Variants in SGCD observed in about 807,000 individuals in gnomAD.
SGCD encodes sarcoglycan delta.
SGCD carries 18 observed loss-of-function variants against 36.6 expected under a neutral mutation model. The ratio of observed to expected loss-of-function variants is 0.49; its 90% CI spans 0.34 to 0.73. The LOEUF is 0.73. Among genes scored for constraint, SGCD ranks in the 30% least tolerant of loss-of-function variants. The pLI is 0.01. For synonymous variants in SGCD, 133 were observed against 130.6 expected (o/e 1.02, Z -0.12); for missense variants, 387 against 346.7 (o/e 1.12, Z -0.92).
At chr5:156,415,010 A>G (rs1772951852) in intron 3 of SGCD, among the ~76,000 whole-genome samples, 1 of 152,170 alleles carries the variant, frequency 6.6e-6, no homozygotes, top group African/African-American at 2.4e-5. Flanking sequence ...TATTCTTTGG[A>G]GGCAGAAACC....
At chr5:156,411,238 C>G (rs1263071319) in intron 3 of SGCD, among the ~76,000 whole-genome samples, 3 of 152,138 alleles carry the variant, frequency 2.0e-5, no homozygotes, top group Non-Finnish European at 2.9e-5. Flanking sequence ...ATTTCTTGGC[C>G]TCTGCACAGA....
intron 1 of SGCD, among the ~76,000 whole-genome samples, chr5:155,985,118 C>T (rs752975085): frequency 1.3e-5 from 2 of 152,290 alleles, no homozygotes; most frequent in African/African-American, 2.4e-5. Context: ...AACAAATTAC[C>T]GTACATTTCA....
At chr5:156,366,979 A>G (rs1770141225) in intron 3 of SGCD, among the ~76,000 whole-genome samples, 1 of 152,230 alleles carries the variant, frequency 6.6e-6, no homozygotes. Flanking sequence ...TTTCTCATGT[A>G]TTTTAAGTGT....
At chr5:156,355,180 T>A (rs1769435353) in intron 3 of SGCD, among the ~76,000 whole-genome samples, 1 of 152,212 alleles carries the variant, frequency 6.6e-6, no homozygotes, top group Non-Finnish European at 1.5e-5. Flanking sequence ...CTTAGCTACA[T>A]CTTGGATGGC....
chr5:156,571,229 A>G (rs1759709802), intron 4 of SGCD, among the ~76,000 whole-genome samples: 1 of 152,056 alleles, frequency 6.6e-6, no homozygotes, highest in Non-Finnish European at 1.5e-5. Flanking sequence ...TATTTTTAGT[A>G]GAGATGGGGT....
At chr5:156,450,436 T>G (rs1476926493) in intron 3 of SGCD, among the ~76,000 whole-genome samples, 2 of 151,888 alleles carry the variant, frequency 1.3e-5, no homozygotes, top group Non-Finnish European at 2.9e-5. Context: ...AGAGAGTTCT[T>G]AAAGCTGCAT....
chr5:156,605,712 T>G (rs1761411108), intron 6 of SGCD, among the ~76,000 whole-genome samples: 1 of 152,198 alleles, frequency 6.6e-6, no homozygotes, highest in African/African-American at 2.4e-5. Context: ...CAGCACTTGT[T>G]GTTTCCTGAC....
intron 1 of SGCD, among the ~76,000 whole-genome samples, chr5:155,991,255 C>A (rs912355692): frequency 6.6e-5 from 10 of 152,302 alleles, no homozygotes; most frequent in African/African-American, 2.2e-4. Context: ...TGCACACACA[C>A]AAGAATAAAT....
chr5:156,458,424 C>A (rs1329502743), intron 3 of SGCD: 21 of 1,606,690 alleles, frequency 1.3e-5, no homozygotes, highest in Non-Finnish European at 1.7e-5. Flanking sequence ...GTAGTAGACA[C>A]CAATCTGAGG....
chr5:156,503,843 C>T (rs1335289163), intron 3 of SGCD, among the ~76,000 whole-genome samples: 1 of 151,914 alleles, frequency 6.6e-6, no homozygotes, highest in African/African-American at 2.4e-5. Flanking sequence ...CCAAGGAAAA[C>T]TTTATTTTTT....
At chr5:156,056,665 AC>A (rs1179677057) in intron 1 of SGCD, among the ~76,000 whole-genome samples, 1 of 142,470 alleles carries the variant, frequency 7.0e-6, no homozygotes, top group Non-Finnish European at 1.6e-5. Context: ...AAAAAAAAAA[AC>A]AGTCTCCAAA....
intron 4 of SGCD, among the ~76,000 whole-genome samples, chr5:156,535,914 T>C (rs1758086502): frequency 6.6e-6 from 1 of 152,176 alleles, no homozygotes; most frequent in African/African-American, 2.4e-5. Context: ...ATGGTACTTA[T>C]TATTTACACA....
chr5:156,531,039 T>A (rs1286986049), intron 4 of SGCD, among the ~76,000 whole-genome samples: 1 of 152,190 alleles, frequency 6.6e-6, no homozygotes, highest in East Asian at 1.9e-4. Context: ...TATGTGATAG[T>A]ATTAAGAGGC....
chr5:156,456,083 T>C (rs558630039), intron 3 of SGCD, among the ~76,000 whole-genome samples: 1 of 152,306 alleles, frequency 6.6e-6, no homozygotes, highest in African/African-American at 2.4e-5. Context: ...CAGTTTGTAT[T>C]ACTCTGCTAT....
chr5:156,074,237 G>T (rs1449665082), intron 1 of SGCD, among the ~76,000 whole-genome samples: 1 of 152,146 alleles, frequency 6.6e-6, no homozygotes, highest in Non-Finnish European at 1.5e-5. Context: ...TGCACAGAAG[G>T]TTCTGTGGTA....
chr5:156,122,900 T>G (rs903141391), intron 2 of SGCD, among the ~76,000 whole-genome samples: 13 of 139,442 alleles, frequency 9.3e-5, no homozygotes, highest in African/African-American at 3.6e-4. Context: ...GCTGCTGGAT[T>G]TATTCTGAAG....
the SGCD span, among the ~76,000 whole-genome samples, chr5:155,838,137 A>C: frequency 6.6e-6 from 1 of 152,334 alleles, no homozygotes; most frequent in South Asian, 2.1e-4. Context: ...TTCAGCAGGT[A>C]TCTCTAAAAG....
intron 7 of SGCD, among the ~76,000 whole-genome samples, chr5:156,702,178 A>T (rs1754553629): frequency 6.6e-6 from 1 of 152,178 alleles, no homozygotes; most frequent in South Asian, 2.1e-4. Flanking sequence ...GATGCAATTG[A>T]TAATAAAATG....
At chr5:155,970,787 T>C (rs575645381) in intron 1 of SGCD, among the ~76,000 whole-genome samples, 2 of 152,308 alleles carry the variant, frequency 1.3e-5, no homozygotes, top group African/African-American at 4.8e-5. Context: ...ATTTTACAGA[T>C]AGTAAATTGA....
Sources: gnomAD v4.1 joint callset for allele counts (sites outside exome capture counted in the v4.1 genomes callset) on GRCh38, gnomAD v4.1.1 for gene constraint, MANE v1.5 for transcripts, NCBI Gene and HGNC (gene_info 2026-07-23, HGNC 2026-07-21) for gene names.